The following AFF2 variants were observed in gnomAD, a reference collection of about 807,000 sequenced individuals.
AFF2 encodes the protein AF4/FMR2 family member 2.
In AFF2, 14 loss-of-function variants were observed where a neutral mutation model predicts 76.9. That is an observed-to-expected ratio of 0.18 (90% CI 0.12 to 0.28). The LOEUF (loss-of-function observed/expected upper bound fraction) is 0.28, where lower values mean the gene tolerates loss of function less well. AFF2 is among the 10% of genes least tolerant of loss of function. The probability of loss-of-function intolerance (pLI) is 1.00; values close to 1 mark genes in which losing one functional copy is unlikely to be tolerated. For synonymous variants in AFF2, 398 were observed against 366.7 expected, an observed-to-expected ratio of 1.09 and a Z score of -0.98; for missense variants, 868 against 1,001.1, an observed-to-expected ratio of 0.87 and a Z score of 1.79.
intron 2 of AFF2, among the ~76,000 whole-genome samples, chrX:148,656,782 G>A (rs931689138): frequency 9.0e-6 from 1 of 111,110 alleles, no homozygotes; most frequent in Admixed American, 9.5e-5. Flanking sequence ...TTACAGGCGT[G>A]AGCCACCGCG....
intron 9 of AFF2, among the ~76,000 whole-genome samples, chrX:148,951,194 CA>C (rs1557286578): frequency 2.0e-4 from 22 of 111,203 alleles, no homozygotes; most frequent in East Asian, 2.8e-4. Context: ...CACACACACA[CA>C]CACCCCAATT....
chrX:148,509,068 A>G (rs1432714844), intron 1 of AFF2, among the ~76,000 whole-genome samples: 3 of 111,590 alleles, frequency 2.7e-5, no homozygotes, highest in African/African-American at 9.8e-5. Flanking sequence ...TCTGTGCCCA[A>G]CACTCTGCTA....
At chrX:148,502,567 T>C (rs1256965921) in intron 1 of AFF2, among the ~76,000 whole-genome samples, 6 of 112,806 alleles carry the variant, frequency 5.3e-5, no homozygotes, top group African/African-American at 1.6e-4. Context: ...TAGAAATACA[T>C]TGTTACATTA....
At chrX:148,581,388 GTA>G (rs1569551650) in intron 1 of AFF2, among the ~76,000 whole-genome samples, 2 of 13,103 alleles carry the variant, frequency 1.5e-4, no homozygotes, top group South Asian at 5.0e-3. Context: ...ACATATACAC[GTA>G]TATACGTATA....
chrX:148,790,059 A>G (rs1330330125), intron 3 of AFF2, among the ~76,000 whole-genome samples: 2 of 112,051 alleles, frequency 1.8e-5, no homozygotes, highest in Non-Finnish European at 3.8e-5. Flanking sequence ...CTCTGAAAAC[A>G]GAGAGCTGTA....
rs2072532353 is a variant in AFF2 at position 148,991,392 on chromosome X, T to TGGTCACTGGTGGAACTCC, written c.*61_*78dup. The TGGTCACTGGTGGAACTCC allele has an allele frequency of 9.2e-7, 1 of 1,083,245 alleles. No individual in the cohort carries two copies. The highest frequency in any genetic ancestry group is 1.2e-6 in the Non-Finnish European group (1 of 815,680). 89.3% of individuals were successfully genotyped at this position (1,083,245 alleles called of 1,213,427 possible). On this transcript the variant is annotated 3_prime_UTR_variant, in exon 21 of 21. Coordinates refer to ENST00000370460, the MANE Select transcript of AFF2 (RefSeq NM_002025.4). ...CACTCTACCTCTACCAGCGCACTGA[T>TGGTCACTGGTGGAACTCC]GGTCACTGGTGGAACTCCACTCACT...
At chrX:148,881,984 T>C (rs1267152293) in intron 7 of AFF2, among the ~76,000 whole-genome samples, 1 of 111,714 alleles carries the variant, frequency 9.0e-6, no homozygotes, top group Non-Finnish European at 1.9e-5. Flanking sequence ...AACTCAGGTC[T>C]GTTTGGCTCT....
chrX:148,881,475 C>T (rs910880045), intron 7 of AFF2, among the ~76,000 whole-genome samples: 1 of 111,192 alleles, frequency 9.0e-6, no homozygotes, highest in Non-Finnish European at 1.9e-5. Flanking sequence ...TCACTTGGTA[C>T]GGTCTGGATG....
chrX:148,613,323 A>AATTTGTGAG (rs1427853842), intron 1 of AFF2, among the ~76,000 whole-genome samples: 1 of 111,769 alleles, frequency 8.9e-6, no homozygotes. Flanking sequence ...TTGGATGCAG[A>AATTTGTGAG]ATTTGTGAGG....
intron 1 of AFF2, among the ~76,000 whole-genome samples, chrX:148,513,680 G>C (rs10863236): frequency 0.38 from 41,584 of 110,492 alleles, 6,358 homozygotes; most frequent in East Asian, 0.94. Flanking sequence ...TATGGGATAA[G>C]TTTTCTTAAA....
intron 1 of AFF2, among the ~76,000 whole-genome samples, chrX:148,545,635 T>A (rs2052912132): frequency 9.0e-6 from 1 of 111,104 alleles, no homozygotes. Context: ...TATAGTACCT[T>A]TTCCCCCTCA....
intron 9 of AFF2, among the ~76,000 whole-genome samples, chrX:148,929,878 T>C (rs1312555164): frequency 1.8e-5 from 2 of 111,897 alleles, no homozygotes; most frequent in Admixed American, 9.5e-5. Context: ...GGGCATCCAC[T>C]ACTTGCTAAA....
intron 3 of AFF2, among the ~76,000 whole-genome samples, chrX:148,690,086 C>T (rs1557260635): frequency 8.9e-6 from 1 of 111,874 alleles, no homozygotes; most frequent in East Asian, 2.8e-4. Flanking sequence ...TTATGGAAGG[C>T]CTGTTTGAAC....
intron 3 of AFF2, among the ~76,000 whole-genome samples, chrX:148,785,692 G>A (rs1557269463): frequency 8.9e-6 from 1 of 111,895 alleles, no homozygotes. Flanking sequence ...TAGCTCTGAG[G>A]AACTGGCTCT....
chrX:148,985,319 T>A (rs1027643282), intron 19 of AFF2, among the ~76,000 whole-genome samples: 1 of 84,861 alleles, frequency 1.2e-5, no homozygotes, highest in Non-Finnish European at 2.2e-5. Context: ...TTTTTTTTTT[T>A]ATGATACAGC....
chrX:148,648,133 T>C (rs1236190559), intron 1 of AFF2, among the ~76,000 whole-genome samples: 1 of 112,319 alleles, frequency 8.9e-6, no homozygotes, highest in East Asian at 2.8e-4. Context: ...CCTTTGCCAC[T>C]AGCTTGATGA....
chrX:148,503,548 A>G (rs1179530663), intron 1 of AFF2, among the ~76,000 whole-genome samples: 1 of 112,307 alleles, frequency 8.9e-6, no homozygotes, highest in African/African-American at 3.2e-5. Flanking sequence ...AGCTGTCTCT[A>G]CTGCAACCCT....
chrX:148,571,311 G>A (rs889623949), intron 1 of AFF2, among the ~76,000 whole-genome samples: 11 of 111,406 alleles, frequency 9.9e-5, no homozygotes, highest in African/African-American at 3.6e-4. Flanking sequence ...TCCTGCCTAT[G>A]ATTACTGTGC....
chrX:148,771,645 A>T (rs1290364025), intron 3 of AFF2, among the ~76,000 whole-genome samples: 2 of 112,120 alleles, frequency 1.8e-5, no homozygotes, highest in Non-Finnish European at 3.8e-5. Flanking sequence ...TTCTCCTCTC[A>T]CACCAGGTGA....
Sources: allele counts gnomAD v4.1 joint callset (sites outside exome capture counted in the v4.1 genomes callset), GRCh38; gene constraint gnomAD v4.1.1; transcripts MANE v1.5; gene names NCBI Gene and HGNC (gene_info 2026-07-23, HGNC 2026-07-21).